The following KIF5C variants were observed in gnomAD, a reference collection of about 807,000 sequenced individuals.
KIF5C encodes kinesin heavy chain isoform 5C.
KIF5C carries 18 observed loss-of-function variants against 125.2 expected under a neutral mutation model. The observed-to-expected ratio is 0.14, with a 90% CI of 0.10 to 0.21. The LOEUF (loss-of-function observed/expected upper bound fraction) is 0.21, where lower values mean the gene tolerates loss of function less well. KIF5C is among the 10% of genes least tolerant of loss of function. The pLI is 1.00. For synonymous variants in KIF5C, 405 were observed against 434.0 expected (o/e 0.93, Z 0.83); for missense variants, 780 against 1,183.8 (o/e 0.66, Z 5.01).
intron 18 of KIF5C, chr2:148,997,934 T>C: frequency 5.9e-6 from 1 of 169,088 alleles, no homozygotes; most frequent in South Asian, 1.5e-4. Flanking sequence ...GTCCCTTTCC[T>C]GTTTTCAGAG....
intron 17 of KIF5C, among the ~76,000 whole-genome samples, chr2:148,995,873 G>C (rs1471704702): frequency 1.3e-5 from 2 of 152,156 alleles, no homozygotes; most frequent in African/African-American, 2.4e-5. Context: ...ATGAATGGAT[G>C]CAGCTGGGCA....
chr2:149,014,774 A>G (rs915042888), intron 25 of KIF5C, among the ~76,000 whole-genome samples: 4 of 152,240 alleles, frequency 2.6e-5, no homozygotes, highest in African/African-American at 9.6e-5. Flanking sequence ...TTTAATTCAT[A>G]TAGTTGTTAC....
At chr2:148,903,116 C>T (rs531619849) in intron 1 of KIF5C, among the ~76,000 whole-genome samples, 2 of 152,232 alleles carry the variant, frequency 1.3e-5, no homozygotes, top group East Asian at 3.9e-4. Flanking sequence ...TGGGGAGCCT[C>T]GGTCTAGGTA....
chr2:148,884,971 GTTTT>G (rs11319928), intron 1 of KIF5C, among the ~76,000 whole-genome samples: 2 of 104,286 alleles, frequency 1.9e-5, no homozygotes, highest in Non-Finnish European at 2.1e-5. Context: ...TGTCCTAATT[GTTTT>G]TTTTTTTTTT....
chr2:148,923,065 T>C (rs952637202), intron 2 of KIF5C, among the ~76,000 whole-genome samples: 2 of 152,242 alleles, frequency 1.3e-5, no homozygotes, highest in African/African-American at 2.4e-5. Flanking sequence ...CATCAAATCA[T>C]TTCCTTCAAA....
intron 7 of KIF5C, among the ~76,000 whole-genome samples, chr2:148,943,915 G>A (rs182715817): frequency 6.6e-6 from 1 of 152,220 alleles, no homozygotes; most frequent in East Asian, 1.9e-4. Context: ...TGAAATGTTG[G>A]TCAAGCTCCA....
At chr2:148,950,191 C>A (rs1289827577) in intron 9 of KIF5C, 123 bp from the exon 10 acceptor site, 8 of 1,456,754 alleles carry the variant, frequency 5.5e-6, no homozygotes, top group African/African-American at 1.4e-5. Context: ...GATCCAAAGA[C>A]CCAGCCACAA....
At chr2:148,908,830 A>G (rs1453243323) in intron 1 of KIF5C, among the ~76,000 whole-genome samples, 2 of 152,196 alleles carry the variant, frequency 1.3e-5, no homozygotes, top group African/African-American at 4.8e-5. Context: ...GAGACTTTGC[A>G]TTTTTTAAAG....
chr2:148,978,524 G>T (rs1319056388), intron 12 of KIF5C, among the ~76,000 whole-genome samples: 1 of 151,878 alleles, frequency 6.6e-6, no homozygotes, highest in East Asian at 1.9e-4. Flanking sequence ...CAAGATTTGG[G>T]ATAATAACAT....
At chr2:148,936,785 A>G (rs551766512) in intron 3 of KIF5C, among the ~76,000 whole-genome samples, 1 of 152,336 alleles carries the variant, frequency 6.6e-6, no homozygotes, top group South Asian at 2.1e-4. Flanking sequence ...GATCTGTTAA[A>G]TGATACTGAA....
intron 1 of KIF5C, among the ~76,000 whole-genome samples, chr2:148,909,465 G>A (rs1443399885): frequency 3.3e-5 from 5 of 152,186 alleles, no homozygotes; most frequent in African/African-American, 9.7e-5. Flanking sequence ...TGAAAGCTTC[G>A]TAAAGACAAG....
chr2:148,935,947 AG>A lies in KIF5C; in HGVS notation c.292-1334del, dbSNP rs1682280986. Among the ~76,000 whole-genome samples the A allele has an allele frequency of 4.6e-5, 7 of 152,238 alleles. No individual in the cohort carries two copies. In the South Asian group the frequency reaches 1.4e-3, roughly 31 times the overall value. Reference sequence around the variant, plus strand: ...AAACTATTTAGATTCTTAATAGATAAGGGCATTCCAGAGGAGTATCCATTTT... The same window carrying A: ...AAACTATTTAGATTCTTAATAGATAAGGCATTCCAGAGGAGTATCCATTTT... On this transcript the variant is annotated intron_variant, in intron 3 of 25. Coordinates refer to ENST00000435030, the MANE Select transcript of KIF5C (RefSeq NM_004522.3).
intron 8 of KIF5C, 28 bp downstream of exon 8, chr2:148,947,051 A>G (rs181235346): frequency 3.2e-6 from 5 of 1,584,742 alleles, no homozygotes; most frequent in Middle Eastern, 1.9e-4. Context: ...TGTATTATCT[A>G]TAATTTTCCC....
intron 1 of KIF5C, among the ~76,000 whole-genome samples, chr2:148,906,168 G>A (rs1033161925): frequency 8.5e-5 from 13 of 152,114 alleles, no homozygotes; most frequent in Admixed American, 7.9e-4. Flanking sequence ...GAAAGGGAAG[G>A]GAAGCTGCGT....
At chr2:148,980,157 T>G (rs921657789) in intron 13 of KIF5C, among the ~76,000 whole-genome samples, 5 of 152,140 alleles carry the variant, frequency 3.3e-5, no homozygotes, top group Admixed American at 6.5e-5. Flanking sequence ...AATGATTACC[T>G]CCCCTGCCCA....
At chr2:148,947,969 T>C (rs1386957386) in intron 8 of KIF5C, 1 of 456,726 alleles carries the variant, frequency 2.2e-6, no homozygotes, top group Non-Finnish European at 4.4e-6. Context: ...ACGTGAGTAA[T>C]GGTTACTTGG....
intron 11 of KIF5C, among the ~76,000 whole-genome samples, chr2:148,965,385 T>C (rs1401025282): frequency 3.9e-5 from 6 of 152,036 alleles, no homozygotes; most frequent in Non-Finnish European, 8.8e-5. Context: ...CTGGTTGTGA[T>C]GGGAGAAGGG....
At chr2:148,895,241 G>A (rs1008688483) in intron 1 of KIF5C, among the ~76,000 whole-genome samples, 2 of 152,024 alleles carry the variant, frequency 1.3e-5, no homozygotes, top group Non-Finnish European at 2.9e-5. Context: ...GGGTTCAAGC[G>A]ATTCTCATGC....
chr2:148,997,193 T>C, intron 17 of KIF5C, 71 bp from the exon 18 acceptor site: 5 of 1,547,320 alleles, frequency 3.2e-6, no homozygotes, highest in Non-Finnish European at 4.4e-6. Context: ...TGCTTTTTGT[T>C]TTTTAATTTT....
Sources: gnomAD v4.1 joint callset for allele counts (sites outside exome capture counted in the v4.1 genomes callset) on GRCh38, gnomAD v4.1.1 for gene constraint, MANE v1.5 for transcripts, NCBI Gene and HGNC (gene_info 2026-07-23, HGNC 2026-07-21) for gene names.